Variants in ZKSCAN5 observed in about 807,000 individuals in gnomAD.
ZKSCAN5 encodes zinc finger protein with KRAB and SCAN domains 5.
Under a neutral mutation model 60.0 loss-of-function variants are expected in ZKSCAN5, and 28 were observed. That is an observed-to-expected ratio of 0.47 (90% CI 0.35 to 0.64). ZKSCAN5 has a LOEUF of 0.64. ZKSCAN5 is among the 30% of genes least tolerant of loss of function. The probability of loss-of-function intolerance (pLI) is 0.01; values close to 1 mark genes in which losing one functional copy is unlikely to be tolerated. For missense variants in ZKSCAN5, 881 were observed against 1,034.6 expected, an observed-to-expected ratio of 0.85 and a Z score of 2.04; for synonymous variants, 361 against 371.2, an observed-to-expected ratio of 0.97 and a Z score of 0.31.
chr7:99,532,457 A>G lies in ZKSCAN5; in HGVS notation c.*208A>G. The G allele has an allele frequency of 2.3e-6, 1 of 441,536 alleles. No individual in the cohort carries two copies. Among genetic ancestry groups the G allele is most frequent in the Non-Finnish European group, 3.9e-6 (1 of 255,604 alleles). 27.4% of individuals were successfully genotyped at this position (441,536 alleles called of 1,614,324 possible). A position where few individuals can be genotyped will look rare whatever the true frequency, so the allele number is the denominator to read the frequency against. ...TTCCCCATTGAGAAATGCTTTAGTT[A>G]GCATCTTCATGCTTGGAAATCTAGA... On this transcript the variant is annotated 3_prime_UTR_variant, in exon 7 of 7. Coordinates refer to ENST00000326775, the MANE Select transcript of ZKSCAN5 (RefSeq NM_145102.4).
intron 2 of ZKSCAN5, among the ~76,000 whole-genome samples, chr7:99,509,498 A>G (rs1324592686): frequency 1.4e-5 from 2 of 146,776 alleles, no homozygotes; most frequent in Non-Finnish European, 3.0e-5. Context: ...ACAGAGTCTC[A>G]CTCTGTTGCC....
intron 5 of ZKSCAN5, among the ~76,000 whole-genome samples, chr7:99,524,546 T>C (rs1389104732): frequency 6.6e-6 from 1 of 152,156 alleles, no homozygotes; most frequent in Non-Finnish European, 1.5e-5. Flanking sequence ...TGAAGATTTG[T>C]CTCTGCAAAC....
intron 6 of ZKSCAN5, among the ~76,000 whole-genome samples, chr7:99,529,055 A>G (rs1255831942): frequency 1.3e-5 from 2 of 152,128 alleles, no homozygotes; most frequent in African/African-American, 4.8e-5. Context: ...CTAGTCAGAT[A>G]TTCCCTGACT....
chr7:99,506,851 T>C, intron 2 of ZKSCAN5, among the ~76,000 whole-genome samples: 1 of 101,676 alleles, frequency 9.8e-6, no homozygotes, highest in African/African-American at 4.9e-5. Flanking sequence ...CCCGGCTAAT[T>C]TTTTTTTTTT....
chr7:99,506,497 G>A (rs1800737069), intron 2 of ZKSCAN5, 39 bp downstream of exon 2: 3 of 1,555,346 alleles, frequency 1.9e-6, no homozygotes, highest in Non-Finnish European at 2.6e-6. Flanking sequence ...TGAAGGAGAG[G>A]AGTGAACCAT....
At chr7:99,525,784 A>AT (rs1191033921) in intron 5 of ZKSCAN5, 29 bp from the exon 6 acceptor site, 1 of 1,568,770 alleles carries the variant, frequency 6.4e-7, no homozygotes, top group East Asian at 2.3e-5. Context: ...GGAAAAGCTC[A>AT]TTTTTTAATT....
At chr7:99,520,770 C>T (rs755185682) in intron 5 of ZKSCAN5, among the ~76,000 whole-genome samples, 2 of 152,092 alleles carry the variant, frequency 1.3e-5, no homozygotes, top group Non-Finnish European at 2.9e-5. Context: ...GAGGCTGAGG[C>T]GGGTGGATCA....
rs151338689 is a variant in ZKSCAN5 at position 99,512,083 on chromosome 7, C to T, written c.415-370C>T. On this transcript the variant is annotated intron_variant, in intron 2 of 6. Transcript: ENST00000326775. ...CTGGGATTACAGGCGTGAGCCACCC[C>T]GTGCGCCCAGCCCTTCTCAACCTTT... Among the ~76,000 whole-genome samples, 310 of 152,300 alleles carry T rather than the reference C, an allele frequency of 2.0e-3. 1 individual carries two copies. Among genetic ancestry groups the T allele is most frequent in the African/African-American group, 7.2e-3 (299 of 41,564 alleles).
chr7:99,509,465 A>G (rs1584166837), intron 2 of ZKSCAN5, among the ~76,000 whole-genome samples: 1 of 146,968 alleles, frequency 6.8e-6, no homozygotes, highest in Non-Finnish European at 1.5e-5. Context: ...GTTTGACCAC[A>G]GCACTTTTTT....
chr7:99,509,688 G>A (rs1308425792), intron 2 of ZKSCAN5, among the ~76,000 whole-genome samples: 1 of 150,926 alleles, frequency 6.6e-6, no homozygotes, highest in Non-Finnish European at 1.5e-5. Context: ...GGATGGTCTC[G>A]ATATCCTGAC....
At chr7:99,531,076 T>C (rs1283349019) in intron 6 of ZKSCAN5, 32 bp from the exon 7 acceptor site, 2 of 1,538,150 alleles carry the variant, frequency 1.3e-6, no homozygotes, top group Non-Finnish European at 1.7e-6. Context: ...AAAGAACTGA[T>C]GACATTTTCA....
chr7:99,510,688 C>T (rs963290243), intron 2 of ZKSCAN5, among the ~76,000 whole-genome samples: 2 of 152,064 alleles, frequency 1.3e-5, no homozygotes, highest in South Asian at 4.1e-4. Context: ...AGGTGATCTG[C>T]CCGCCTCGGC....
At position 99,512,496 on chromosome 7, in the gene ZKSCAN5, C is replaced by T. The variant is rs1404769952; in HGVS notation, c.458C>T (p.Pro153Leu). Residue 153 changes from proline to leucine, a missense_variant, in exon 3 of 7, where the codon CCT becomes CTT. Around this residue, in one of 5 missense-constraint regions of ZKSCAN5, gnomAD observed 490 missense variants for 554.5 expected, o/e 0.88. Transcript: ENST00000326775. Reference sequence around the variant, plus strand: ...GTGCTTCCTCGGAAGATGGCAACACCTGGAGCAGTGCAGGAGTCCTGCAGC... The same window carrying T: ...GTGCTTCCTCGGAAGATGGCAACACTTGGAGCAGTGCAGGAGTCCTGCAGC... The part of the protein sequence containing the change: ...PDVLPRKMAT[P>L]GAVQESCSPH... 1 of 1,613,910 alleles carries T rather than the reference C, an allele frequency of 6.2e-7. No individual in the cohort carries two copies. Among genetic ancestry groups the T allele is most frequent in the Non-Finnish European group, 8.5e-7 (1 of 1,179,938 alleles).
rs563379642 is a variant in ZKSCAN5, at chr7:99,507,945, A to G, written c.414+1487A>G. On this transcript the variant is annotated intron_variant, in intron 2 of 6. Coordinates refer to ENST00000326775, the MANE Select transcript of ZKSCAN5 (RefSeq NM_145102.4). Reference sequence around the variant, plus strand: ...AGTTAAAAAAATTTAAATTGAAAAAATATATGTATATAAAATTAACTGTAG... The same window carrying G: ...AGTTAAAAAAATTTAAATTGAAAAAGTATATGTATATAAAATTAACTGTAG... Among the ~76,000 whole-genome samples the G allele has an allele frequency of 8.5e-5, 13 of 152,186 alleles. No homozygotes were observed. The South Asian group carries it at 2.7e-3, about 32-fold the overall frequency.
rs114803893 is a variant in ZKSCAN5, at chr7:99,532,741, G to A, written c.*492G>A. On this transcript the variant is annotated 3_prime_UTR_variant, in exon 7 of 7. Transcript: ENST00000326775. ...CTAGAAATTATTATTCCAACCACTA[G>A]AATACCCTAGTCACTATTCCCACTT... is the stretch of plus-strand genomic sequence containing the variant. 2.8e-3 allele frequency: 439 copies of A among 156,246 alleles called. 1 individual carries two copies. The highest frequency in any genetic ancestry group is 0.01 in the African/African-American group (427 of 41,594). 9.7% of individuals were successfully genotyped at this position (156,246 alleles called of 1,614,324 possible).
chr7:99,524,432 G>A (rs546320762), intron 5 of ZKSCAN5, among the ~76,000 whole-genome samples: 18 of 151,994 alleles, frequency 1.2e-4, no homozygotes, highest in African/African-American at 3.6e-4. Context: ...GGCTGGTCTC[G>A]AACTCCTGGC....
chr7:99,508,109 C>A (rs1200769750), intron 2 of ZKSCAN5, among the ~76,000 whole-genome samples: 1 of 151,294 alleles, frequency 6.6e-6, no homozygotes, highest in Non-Finnish European at 1.5e-5. Context: ...ACCATCCTGG[C>A]CAACATGGTG....
chr7:99,533,503 C>T lies in ZKSCAN5; in HGVS notation c.*1254C>T, dbSNP rs930116689. 1 of 415,438 alleles carries T rather than the reference C, an allele frequency of 2.4e-6. No individual in the cohort carries two copies. Among genetic ancestry groups the T allele is most frequent in the Admixed American group, 4.0e-5 (1 of 24,718 alleles). The allele number at this position is 415,438 out of a possible 1,614,324, so 25.7% of individuals were successfully genotyped here. A position where few individuals can be genotyped will look rare whatever the true frequency, so the allele number is the denominator to read the frequency against. ...GCCCTGTCCAGTCCCCTCTACCAAG[C>T]TGAGACCCCCATCCCCAGCTGCTCT... On this transcript the variant is annotated 3_prime_UTR_variant, in exon 7 of 7. Transcript: ENST00000326775.
chr7:99,531,581 T>G lies in ZKSCAN5; in HGVS notation c.1852T>G (p.Ser618Ala), dbSNP rs1802047057. The G allele has an allele frequency of 6.2e-7, 1 of 1,614,084 alleles. No homozygotes were observed. Among genetic ancestry groups the G allele is most frequent in the African/African-American group, 1.3e-5 (1 of 75,018 alleles). ...ATGTGGGAAAGCCTTCAGAGTGAGGTCCCACCTTGTTCAGCATCAGAGCGT... is the reference window on the plus strand; with the variant it reads ...ATGTGGGAAAGCCTTCAGAGTGAGGGCCCACCTTGTTCAGCATCAGAGCGT... ...PLCGKAFRVRSHLVQHQSVHS... is the reference protein window; with the variant it reads ...PLCGKAFRVRAHLVQHQSVHS... Residue 618 changes from serine to alanine, a missense_variant, in exon 7 of 7, where the codon TCC becomes GCC. By Grantham distance (99) the Ser-to-Ala change is moderately conservative. Transcript: ENST00000326775.
Sources: allele counts gnomAD v4.1 joint callset (sites outside exome capture counted in the v4.1 genomes callset), GRCh38; gene constraint gnomAD v4.1.1; regional missense constraint gnomAD v4.1.1; transcripts MANE v1.5; gene names NCBI Gene and HGNC (gene_info 2026-07-23, HGNC 2026-07-21).